Variants in FBXO34 observed in about 807,000 individuals in gnomAD.
FBXO34 encodes the protein F-box only protein 34.
A neutral mutation model predicts 24.5 loss-of-function variants in FBXO34; 12 were observed. That is an observed-to-expected ratio of 0.49 (90% CI 0.31 to 0.79). The LOEUF (loss-of-function observed/expected upper bound fraction) is 0.79, where lower values mean the gene tolerates loss of function less well. Among genes scored for constraint, FBXO34 ranks in the 30% least tolerant of loss-of-function variants. The pLI, the probability that FBXO34 is intolerant of heterozygous loss-of-function variation, is 0.04. For missense variants in FBXO34, 823 were observed against 857.7 expected (o/e 0.96, Z 0.51); for synonymous variants, 320 against 311.9 (o/e 1.03, Z -0.27).
chr14:55,382,930 T>A, the FBXO34 span, among the ~76,000 whole-genome samples: 3 of 152,270 alleles, frequency 2.0e-5, no homozygotes, highest in Non-Finnish European at 4.4e-5. Flanking sequence ...AATAAACCTA[T>A]TATACATTTT....
chr14:55,419,591 A>G, the FBXO34 span, among the ~76,000 whole-genome samples: 1 of 152,240 alleles, frequency 6.6e-6, no homozygotes, highest in Non-Finnish European at 1.5e-5. Context: ...CCATGACAGT[A>G]GAACAGCAGG....
chr14:55,337,300 A>G (rs1349188360), intron 1 of FBXO34, among the ~76,000 whole-genome samples: 5 of 151,902 alleles, frequency 3.3e-5, no homozygotes, highest in East Asian at 3.9e-4. Context: ...TTTTAATGCT[A>G]TTTTCTTCTA....
chr14:55,353,788 C>T (rs962576250), downstream of FBXO34, among the ~76,000 whole-genome samples: 1 of 152,210 alleles, frequency 6.6e-6, no homozygotes, highest in East Asian at 1.9e-4. Context: ...TGCAACCTGT[C>T]AGTTCTTCCG....
chr14:55,322,646 A>T (rs1883179620), intron 1 of FBXO34, among the ~76,000 whole-genome samples: 1 of 152,114 alleles, frequency 6.6e-6, no homozygotes, highest in Non-Finnish European at 1.5e-5. Flanking sequence ...AGTGTCATGG[A>T]AATTAACCTT....
intron 1 of FBXO34, among the ~76,000 whole-genome samples, chr14:55,289,103 CA>C (rs1426086314): frequency 6.6e-6 from 1 of 152,040 alleles, no homozygotes; most frequent in Non-Finnish European, 1.5e-5. Flanking sequence ...AAAATGACCC[CA>C]AAACTTCTCT....
In FBXO34 at chr14:55,351,845, G is replaced by A; in HGVS notation, c.1455G>A (p.Leu485=). ...EDPVPGMLFF[L]PPGQHLSDYS... is the part of the protein sequence containing the mutation. ...CAGTTCCAGGGATGTTGTTTTTTTT[G>A]CCACCTGGTCAGCACTTGTCAGACT... is the stretch of plus-strand genomic sequence containing the variant. The change falls in exon 2 of 2, where the codon TTG becomes TTA. Residue 485 remains leucine, a synonymous_variant. Coordinates refer to ENST00000313833, the MANE Select transcript of FBXO34 (RefSeq NM_017943.4). The A allele has an allele frequency of 1.2e-6, 2 of 1,613,752 alleles. No homozygotes were observed. Among genetic ancestry groups the A allele is most frequent in the Non-Finnish European group, 1.7e-6 (2 of 1,179,914 alleles).
the FBXO34 span, among the ~76,000 whole-genome samples, chr14:55,377,618 T>C: frequency 6.6e-6 from 1 of 152,152 alleles, no homozygotes; most frequent in African/African-American, 2.4e-5. Context: ...TTGATATTAA[T>C]TTTTTCTAAG....
intron 1 of FBXO34, among the ~76,000 whole-genome samples, chr14:55,329,814 T>G (rs186781340): frequency 6.6e-6 from 1 of 152,244 alleles, no homozygotes; most frequent in Admixed American, 6.5e-5. Context: ...CCTCTTTTCC[T>G]AATTCCGTGC....
At position 55,352,354 on chromosome 14, in the gene FBXO34, G is replaced by A; in HGVS notation, c.1964G>A (p.Cys655Tyr). The A allele has an allele frequency of 6.2e-7, 1 of 1,614,218 alleles. No individual in the cohort carries two copies. The highest frequency in any genetic ancestry group is 8.5e-7 in the Non-Finnish European group (1 of 1,180,028). ...TGCCGATGGCACCCCAAGCCCTATTGCCAGGCATTGCCCTATGGGCCAGGG... is the reference window on the plus strand; with the variant it reads ...TGCCGATGGCACCCCAAGCCCTATTACCAGGCATTGCCCTATGGGCCAGGG... ...SLCRWHPKPY[C>Y]QALPYGPGYW... Residue 655 changes from cysteine to tyrosine, a missense_variant, in exon 2 of 2, where the codon TGC becomes TAC. This residue lies in a region of FBXO34 where 130 missense variants were observed against 198.6 expected (regional missense o/e 0.65). Transcript: ENST00000313833.
In FBXO34 at chr14:55,344,891, G is replaced by A. The variant is rs368290148; in HGVS notation, c.-10-5490G>A. Reference sequence around the variant, plus strand: ...GCACCCTGTGCTATCCTTCTGACACGTATAACATTTGTTGTAATTGTCTGT... The same window carrying A: ...GCACCCTGTGCTATCCTTCTGACACATATAACATTTGTTGTAATTGTCTGT... On this transcript the variant is annotated intron_variant, in intron 1 of 1. Transcript: ENST00000313833. Among the ~76,000 whole-genome samples the A allele has an allele frequency of 3.3e-4, 50 of 151,680 alleles. 1 individual carries two copies. Among genetic ancestry groups the A allele is most frequent in the African/African-American group, 1.2e-3 (49 of 41,324 alleles).
At chr14:55,414,278 C>G in the FBXO34 span, 1 of 903,704 alleles carries the variant, frequency 1.1e-6, no homozygotes, top group Non-Finnish European at 1.7e-6. Flanking sequence ...AAGTAACGTA[C>G]TTGTAACATC....
In FBXO34 at chr14:55,350,574, T is replaced by C. The variant is rs757028741; in HGVS notation, c.184T>C (p.Phe62Leu). The change falls in exon 2 of 2, where the codon TTT becomes CTT. Residue 62 changes from phenylalanine (F) to leucine (L), a missense_variant. Physicochemically the swap from Phe to Leu is conservative, Grantham distance 22. Coordinates refer to ENST00000313833, the MANE Select transcript of FBXO34 (RefSeq NM_017943.4). ...SLGKASSRKP[F>L]GILSPNVLCS... ...CGGTAAAGCATCATCTCGAAAGCCA[T>C]TTGGGATCCTTTCTCCAAATGTTCT... The C allele has an allele frequency of 2.4e-5, 39 of 1,612,562 alleles. No homozygotes were observed. In the South Asian group the frequency reaches 4.2e-4, roughly 17 times the overall value.
chr14:55,369,115 T>C (rs1884751267), downstream of FBXO34: 1 of 152,692 alleles, frequency 6.5e-6, no homozygotes, highest in African/African-American at 2.4e-5. Context: ...AATTTTAAAT[T>C]GCCTGCTGGT....
At chr14:55,335,573 G>T (rs1444121074) in intron 1 of FBXO34, among the ~76,000 whole-genome samples, 1 of 152,012 alleles carries the variant, frequency 6.6e-6, no homozygotes, top group Non-Finnish European at 1.5e-5. Context: ...TGACTTTTAG[G>T]CAACTCATTT....
At chr14:55,299,291 G>T in intron 1 of FBXO34, 1 of 733,178 alleles carries the variant, frequency 1.4e-6, no homozygotes, top group Non-Finnish European at 2.5e-6. Context: ...GATGGATGTG[G>T]TGCAGGCAGG....
At chr14:55,284,551 T>C (rs1236649756) in intron 1 of FBXO34, among the ~76,000 whole-genome samples, 3 of 148,704 alleles carry the variant, frequency 2.0e-5, no homozygotes, top group African/African-American at 7.3e-5. Context: ...TTTATTTTCT[T>C]CTCTTTTTAT....
intron 1 of FBXO34, among the ~76,000 whole-genome samples, chr14:55,303,184 A>G (rs1882424111): frequency 6.6e-6 from 1 of 150,766 alleles, no homozygotes; most frequent in African/African-American, 2.5e-5. Flanking sequence ...CCTGTGTGTT[A>G]GCATCATTAT....
At chr14:55,306,831 TCAAAA>T (rs397787405) in intron 1 of FBXO34, among the ~76,000 whole-genome samples, 29 of 151,124 alleles carry the variant, frequency 1.9e-4, no homozygotes, top group East Asian at 7.8e-4. Context: ...AGACTCCATC[TCAAAA>T]CAAAACAAAA....
chr14:55,307,185 A>G (rs1882579557), intron 1 of FBXO34, among the ~76,000 whole-genome samples: 1 of 152,236 alleles, frequency 6.6e-6, no homozygotes, highest in African/African-American at 2.4e-5. Context: ...AGGGTGTGAC[A>G]GGAGGGCATG....
Sources: allele counts gnomAD v4.1 joint callset (sites outside exome capture counted in the v4.1 genomes callset), GRCh38; gene constraint gnomAD v4.1.1; regional missense constraint gnomAD v4.1.1; transcripts MANE v1.5; gene names NCBI Gene and HGNC (gene_info 2026-07-23, HGNC 2026-07-21).